SRR: variants seen among roughly 807,000 people sequenced by gnomAD.
SRR encodes D-serine ammonia-lyase.
SRR carries 19 observed loss-of-function variants against 32.7 expected under a neutral mutation model. That is an observed-to-expected ratio of 0.58 (90% CI 0.40 to 0.85). The LOEUF (loss-of-function observed/expected upper bound fraction) is 0.85. SRR is among the 40% of genes least tolerant of loss of function. The probability of loss-of-function intolerance (pLI) is 0.00; values close to 1 mark genes in which losing one functional copy is unlikely to be tolerated. For synonymous variants in SRR, 142 were observed against 140.9 expected, an observed-to-expected ratio of 1.01 and a Z score of -0.06; for missense variants, 373 against 404.7, an observed-to-expected ratio of 0.92 and a Z score of 0.67.
At chr17:2,321,958 T>C (rs2151436916) in intron 6 of SRR, among the ~76,000 whole-genome samples, 1 of 152,286 alleles carries the variant, frequency 6.6e-6, no homozygotes. Context: ...TTTTGTATTT[T>C]TTTTAGTAGA....
intron 2 of SRR, among the ~76,000 whole-genome samples, chr17:2,317,609 G>C (rs940354432): frequency 1.3e-5 from 2 of 152,072 alleles, no homozygotes; most frequent in Non-Finnish European, 2.9e-5. Context: ...ACTTGAACCC[G>C]GCCCTGGGGG....
chr17:2,307,034 GAGA>G (rs1488681056), intron 1 of SRR: 8 of 1,368,460 alleles, frequency 5.8e-6, no homozygotes, highest in Non-Finnish European at 8.2e-6. Context: ...GCTGTCTCAA[GAGA>G]AGATTCTCAA....
At chr17:2,317,691 G>A (rs1236700073) in intron 2 of SRR, among the ~76,000 whole-genome samples, 179 bp from the exon 3 acceptor site, 1 of 151,894 alleles carries the variant, frequency 6.6e-6, no homozygotes, top group Non-Finnish European at 1.5e-5. Context: ...CGGGATAACG[G>A]AGACTCCATC....
chr17:2,310,770 A>G (rs946079725), intron 1 of SRR, among the ~76,000 whole-genome samples: 9 of 151,868 alleles, frequency 5.9e-5, no homozygotes, highest in Admixed American at 5.9e-4. Context: ...TGTTTGAGAC[A>G]GAGTCTTGCT....
At chr17:2,314,279 G>A (rs1018415060) in intron 1 of SRR, among the ~76,000 whole-genome samples, 5 of 151,914 alleles carry the variant, frequency 3.3e-5, no homozygotes, top group Non-Finnish European at 5.9e-5. Context: ...GAGAAACCCC[G>A]TCTCTATTAA....
Position 2,323,740 on chromosome 17 carries a change from AT to A in SRR, c.894del (p.Gln299LysfsTer7). ...GGAGTGGCTGCTGTGCTGTCTCAAC[AT>A]TTTCAAACTGTTTCCCCAGAAGTAA... ...GVGVAAVLSQ[H>X]FQTVSPEVKN... On this transcript the variant is annotated frameshift_variant, in exon 8 of 8. Transcript: ENST00000344595. LOFTEE classifies it high-confidence loss of function. 6.2e-7 allele frequency: 1 copy of A among 1,614,134 alleles called. No individual in the cohort carries two copies. Among genetic ancestry groups the A allele is most frequent in the Non-Finnish European group, 8.5e-7 (1 of 1,180,020 alleles).
At chr17:2,307,160 T>C (rs913233426) in intron 1 of SRR, 25 of 1,337,704 alleles carry the variant, frequency 1.9e-5, no homozygotes, top group African/African-American at 4.3e-5. Context: ...ACTGAAGTGA[T>C]TGAAATCATG....
intron 1 of SRR, chr17:2,307,445 G>T (rs2075399435): frequency 5.7e-6 from 8 of 1,402,030 alleles, no homozygotes; most frequent in African/African-American, 1.4e-5. Context: ...GGTGGCTTTG[G>T]TGGCAGCTGT....
chr17:2,321,516 G>T, intron 5 of SRR, 26 bp from the exon 6 acceptor site: 1 of 1,613,052 alleles, frequency 6.2e-7, no homozygotes, highest in Non-Finnish European at 8.5e-7. Flanking sequence ...ATATAAAACT[G>T]CTTACAGTTT....
upstream of SRR, chr17:2,303,426 C>T (rs926246610): frequency 7.1e-6 from 9 of 1,261,656 alleles, no homozygotes; most frequent in South Asian, 1.2e-4. Context: ...CAGGCTCTCC[C>T]GGAGCTGGCC....
intron 1 of SRR, chr17:2,307,162 G>C: frequency 7.5e-7 from 1 of 1,341,174 alleles, no homozygotes; most frequent in South Asian, 1.2e-5. Context: ...TGAAGTGATT[G>C]AAATCATGAC....
chr17:2,308,207 T>C (rs2075407436), intron 1 of SRR, among the ~76,000 whole-genome samples: 1 of 152,110 alleles, frequency 6.6e-6, no homozygotes, highest in South Asian at 2.1e-4. Flanking sequence ...AAAAATCCTA[T>C]AAGTAACCTT....
At chr17:2,319,622 T>G (rs2075507526) in intron 4 of SRR, among the ~76,000 whole-genome samples, 1 of 152,010 alleles carries the variant, frequency 6.6e-6, no homozygotes, top group Non-Finnish European at 1.5e-5. Context: ...CACATCCAAA[T>G]CTCAGTCTGC....
At chr17:2,305,238 AAAT>A (rs2075378318) in intron 1 of SRR, among the ~76,000 whole-genome samples, 1 of 152,258 alleles carries the variant, frequency 6.6e-6, no homozygotes, top group African/African-American at 2.4e-5. Flanking sequence ...AAGCGTTAAA[AAAT>A]AATCTGTTTC....
Position 2,321,549 on chromosome 17 carries a change from T to C in SRR, c.527T>C (p.Leu176Ser). 1 of 1,614,208 alleles carries C rather than the reference T, an allele frequency of 6.2e-7. No individual in the cohort carries two copies. Among genetic ancestry groups the C allele is most frequent in the Non-Finnish European group, 8.5e-7 (1 of 1,180,020 alleles). The change falls in exon 6 of 8, where the codon TTG (leucine) becomes TCG (serine). Residue 176 changes from leucine (L) to serine (S), a missense_variant. Transcript: ENST00000344595. ...TTTATATTTTCACTAAAGGTTCCTT[T>C]GGTGGATGCACTGGTGGTACCTGTA... The part of the protein sequence containing the change: ...IALEVLNQVP[L>S]VDALVVPVGG...
intron 6 of SRR, chr17:2,322,800 G>C (rs561811266): frequency 9.7e-6 from 3 of 307,750 alleles, no homozygotes; most frequent in Non-Finnish European, 1.9e-5. Context: ...ACAGGCGTGA[G>C]CCACTGCGCC....
At chr17:2,315,404 C>G in intron 1 of SRR, 153 bp from the exon 2 acceptor site, 1 of 710,850 alleles carries the variant, frequency 1.4e-6, no homozygotes, top group Non-Finnish European at 2.1e-6. Flanking sequence ...TAAGTCAACT[C>G]TCTTTTAGGG....
chr17:2,304,388 A>G (rs556779813), intron 1 of SRR, among the ~76,000 whole-genome samples: 202 of 10,962 alleles, frequency 0.018, no homozygotes, highest in Non-Finnish European at 0.032. Context: ...AGTAGCTGGG[A>G]TTACAGGTGC....
In SRR at chr17:2,323,860, C is replaced by A; in HGVS notation, c.1010C>A (p.Ser337Tyr). The change falls in exon 8 of 8, where the codon TCT (serine) becomes TAT (tyrosine). Residue 337 changes from serine to tyrosine, a missense_variant. Physicochemically the swap from Ser to Tyr is moderately radical, Grantham distance 144 (BLOSUM62 -2). Transcript: ENST00000344595. ...GCTGAAAGGCCAGCTTCTTATCAGT[C>A]TGTTTCTGTTTAATTTACAGAAAAG... is the stretch of plus-strand genomic sequence containing the variant. ...KQAERPASYQ[S>Y]VSV 2 of 1,613,880 alleles carry A rather than the reference C, an allele frequency of 1.2e-6. No individual in the cohort carries two copies. Among genetic ancestry groups the A allele is most frequent in the South Asian group, 2.2e-5 (2 of 91,012 alleles).
Sources: allele counts gnomAD v4.1 joint callset (sites outside exome capture counted in the v4.1 genomes callset), GRCh38; gene constraint gnomAD v4.1.1; transcripts MANE v1.5; gene names NCBI Gene and HGNC (gene_info 2026-07-23, HGNC 2026-07-21).